ITGB1BP1: variants seen among roughly 807,000 people sequenced by gnomAD.
ITGB1BP1 encodes the protein integrin beta-1-binding protein 1.
ITGB1BP1 carries 20 observed loss-of-function variants against 28.0 expected under a neutral mutation model. The ratio of observed to expected loss-of-function variants is 0.71; its 90% confidence interval spans 0.50 to 1.04. ITGB1BP1 has a LOEUF of 1.04. Ranked by LOEUF, ITGB1BP1 falls within the 50% of genes least tolerant of loss-of-function variation. The pLI is 0.00. For synonymous variants in ITGB1BP1, 103 were observed against 89.5 expected, an observed-to-expected ratio of 1.15 and a Z score of -0.85; for missense variants, 228 against 242.5, an observed-to-expected ratio of 0.94 and a Z score of 0.40.
chr2:9,420,870 G>T (rs898560363), intron 1 of ITGB1BP1, among the ~76,000 whole-genome samples: 1 of 152,226 alleles, frequency 6.6e-6, no homozygotes, highest in African/African-American at 2.4e-5. Flanking sequence ...GACCCTGGCT[G>T]CCAGATAGCG....
intron 6 of ITGB1BP1, 161 bp from the exon 7 acceptor site, chr2:9,407,066 C>A: frequency 1.6e-6 from 1 of 636,750 alleles, no homozygotes. Flanking sequence ...ATGAGCTTCC[C>A]TGCACGTGGG....
At chr2:9,413,898 T>A (rs1283800132) in intron 3 of ITGB1BP1, among the ~76,000 whole-genome samples, 1 of 152,192 alleles carries the variant, frequency 6.6e-6, no homozygotes, top group Non-Finnish European at 1.5e-5. Flanking sequence ...AGTAGGTGTA[T>A]GTATTTATTG....
At chr2:9,412,213 T>C (rs781242656) in intron 4 of ITGB1BP1, 56 bp downstream of exon 4, 6 of 1,530,446 alleles carry the variant, frequency 3.9e-6, no homozygotes, top group Non-Finnish European at 4.5e-6. Flanking sequence ...CCCAAAGCCA[T>C]GAGTTGGCTC....
chr2:9,414,137 T>C (rs757313804), intron 3 of ITGB1BP1, 41 bp downstream of exon 3: 1 of 1,531,734 alleles, frequency 6.5e-7, no homozygotes, highest in Non-Finnish European at 9.0e-7. Context: ...TGAACATCAA[T>C]GAAAAGCGCA....
intron 4 of ITGB1BP1, 159 bp downstream of exon 4, chr2:9,412,110 C>T: frequency 1.6e-6 from 1 of 632,594 alleles, no homozygotes; most frequent in South Asian, 1.8e-5. Flanking sequence ...CCATGCAGCT[C>T]AGCGCTCACG....
chr2:9,409,187 T>C (rs1441855248), intron 4 of ITGB1BP1, among the ~76,000 whole-genome samples: 1 of 152,238 alleles, frequency 6.6e-6, no homozygotes, highest in East Asian at 1.9e-4. Context: ...ACCACCTACT[T>C]CGTCTTCCCT....
At chr2:9,423,559 G>T (rs901937062), upstream of ITGB1BP1, 1 of 1,133,398 alleles carries the variant, frequency 8.8e-7, no homozygotes, top group Non-Finnish European at 1.2e-6. Flanking sequence ...TCCTACCCCC[G>T]GTTCCAAGAC....
chr2:9,413,533 T>G (rs1678729836), intron 3 of ITGB1BP1, among the ~76,000 whole-genome samples: 1 of 152,172 alleles, frequency 6.6e-6, no homozygotes, highest in Non-Finnish European at 1.5e-5. Flanking sequence ...TTTCACCATG[T>G]TGGCCAGGCT....
intron 2 of ITGB1BP1, among the ~76,000 whole-genome samples, chr2:9,417,208 C>A (rs1032249070): frequency 6.6e-6 from 1 of 152,088 alleles, no homozygotes; most frequent in Non-Finnish European, 1.5e-5. Context: ...AACACCTGCA[C>A]CTGCCTCGCC....
At chr2:9,417,518 A>C (rs1306040118) in intron 2 of ITGB1BP1, among the ~76,000 whole-genome samples, 3 of 151,860 alleles carry the variant, frequency 2.0e-5, no homozygotes, top group African/African-American at 4.8e-5. Context: ...CTCCTGGTTC[A>C]AGCAACTCTC....
chr2:9,416,276 T>C (rs1270998464), intron 2 of ITGB1BP1, among the ~76,000 whole-genome samples: 1 of 152,182 alleles, frequency 6.6e-6, no homozygotes, highest in Non-Finnish European at 1.5e-5. Flanking sequence ...ATTTTATATA[T>C]CAACTTCTCT....
intron 1 of ITGB1BP1, chr2:9,422,978 G>C (rs1014447571): frequency 6.1e-6 from 6 of 986,870 alleles, no homozygotes; most frequent in South Asian, 9.2e-5. Flanking sequence ...GTCTGTCACC[G>C]TGATGGAGCA....
intron 4 of ITGB1BP1, among the ~76,000 whole-genome samples, chr2:9,409,994 G>A (rs191819926): frequency 9.2e-5 from 14 of 151,600 alleles, no homozygotes; most frequent in African/African-American, 2.4e-4. Flanking sequence ...ACAGGCATGC[G>A]CCACCACACC....
chr2:9,414,927 C>T (rs2148895261), intron 2 of ITGB1BP1, among the ~76,000 whole-genome samples: 1 of 152,334 alleles, frequency 6.6e-6, no homozygotes, highest in Non-Finnish European at 1.5e-5. Flanking sequence ...TTCCTCAGAG[C>T]TACACTCCCA....
At chr2:9,423,171 C>CG in intron 1 of ITGB1BP1, 8 of 981,698 alleles carry the variant, frequency 8.1e-6, no homozygotes, top group Non-Finnish European at 9.6e-6. Context: ...AGCCCACGCC[C>CG]GATCTGCGTG....
chr2:9,409,990 ATGC>A (rs1678126521), intron 4 of ITGB1BP1, among the ~76,000 whole-genome samples: 1 of 151,830 alleles, frequency 6.6e-6, no homozygotes, highest in African/African-American at 2.4e-5. Flanking sequence ...GATTACAGGC[ATGC>A]GCCACCACAC....
At chr2:9,423,189 GCTC>G (rs1680114535) in intron 1 of ITGB1BP1, 181 bp downstream of exon 1, 1 of 1,060,434 alleles carries the variant, frequency 9.4e-7, no homozygotes, top group Admixed American at 6.0e-5. Flanking sequence ...GTGGTTCCAA[GCTC>G]CTCCACCCGC....
In ITGB1BP1 at chr2:9,406,651, A is replaced by G; in HGVS notation, c.*183T>C. 1.7e-6 allele frequency: 1 copy of G among 588,572 alleles called. No individual in the cohort carries two copies. Among genetic ancestry groups the G allele is most frequent in the South Asian group, 2.2e-5 (1 of 46,360 alleles). The allele number at this position is 588,572 out of a possible 1,614,324, so 36.5% of individuals were successfully genotyped here. A position where few individuals can be genotyped will look rare whatever the true frequency, so the allele number is the denominator to read the frequency against. On this transcript the variant is annotated 3_prime_UTR_variant, in exon 7 of 7. Coordinates refer to ENST00000355346, the MANE Select transcript of ITGB1BP1 (RefSeq NM_004763.5). ...GCCCAGAAAATAGATGACTTCATTG[A>G]GAGTTAACTCACTGTGTAATAGGAC...
intron 2 of ITGB1BP1, among the ~76,000 whole-genome samples, chr2:9,416,259 A>G (rs1443336033): frequency 6.6e-6 from 1 of 152,090 alleles, no homozygotes; most frequent in Non-Finnish European, 1.5e-5. Flanking sequence ...GACTTCTGTG[A>G]TGGTTAATTT....
Sources: gnomAD v4.1 joint callset for allele counts (sites outside exome capture counted in the v4.1 genomes callset) on GRCh38, gnomAD v4.1.1 for gene constraint, MANE v1.5 for transcripts, NCBI Gene and HGNC (gene_info 2026-07-23, HGNC 2026-07-21) for gene names.